The following RGL1 variants were observed in gnomAD, a reference collection of about 807,000 sequenced individuals.
RGL1 encodes the protein ral guanine nucleotide dissociation stimulator like 1.
A neutral mutation model predicts 95.2 loss-of-function variants in RGL1; 24 were observed. The observed-to-expected ratio is 0.25, with a 90% CI of 0.18 to 0.35. The LOEUF is 0.35. Ranked by LOEUF, RGL1 falls within the 10% of genes least tolerant of loss-of-function variation. RGL1 has a pLI of 1.00. For synonymous variants in RGL1, 329 were observed against 344.9 expected, an observed-to-expected ratio of 0.95 and a Z score of 0.51; for missense variants, 715 against 936.3, an observed-to-expected ratio of 0.76 and a Z score of 3.08.
intron 1 of RGL1, among the ~76,000 whole-genome samples, chr1:183,699,305 T>C (rs1027711931): frequency 6.6e-6 from 1 of 152,226 alleles, no homozygotes; most frequent in Non-Finnish European, 1.5e-5. Flanking sequence ...TCCTTGAAAC[T>C]ATATTGTAGT....
At chr1:183,834,523 T>G (rs1479952095) in intron 2 of RGL1, among the ~76,000 whole-genome samples, 1 of 152,162 alleles carries the variant, frequency 6.6e-6, no homozygotes, top group Non-Finnish European at 1.5e-5. Context: ...GCATATGCAC[T>G]AGTACTAAGC....
intron 1 of RGL1, among the ~76,000 whole-genome samples, chr1:183,658,553 T>A (rs1314114775): frequency 6.6e-6 from 1 of 152,072 alleles, no homozygotes; most frequent in East Asian, 1.9e-4. Flanking sequence ...CAAAGCAGCC[T>A]GGAAGCTGGA....
intron 1 of RGL1, among the ~76,000 whole-genome samples, chr1:183,686,893 C>G (rs746932279): frequency 1.3e-5 from 2 of 152,170 alleles, no homozygotes; most frequent in African/African-American, 4.8e-5. Context: ...ATGTCCTCAC[C>G]GCTACCTTTT....
chr1:183,898,732 T>C (rs1468959352), intron 10 of RGL1, among the ~76,000 whole-genome samples: 1 of 152,246 alleles, frequency 6.6e-6, no homozygotes, highest in Non-Finnish European at 1.5e-5. Flanking sequence ...AAAAATAGAT[T>C]ATTTTAGTAC....
chr1:183,728,777 A>G (rs1259699626), intron 1 of RGL1, among the ~76,000 whole-genome samples: 1 of 152,206 alleles, frequency 6.6e-6, no homozygotes, highest in Non-Finnish European at 1.5e-5. Flanking sequence ...TGTTATTGGC[A>G]TAGTTTTGAC....
intron 13 of RGL1, 117 bp downstream of exon 13, chr1:183,905,088 C>T: frequency 7.6e-7 from 1 of 1,321,654 alleles, no homozygotes; most frequent in Non-Finnish European, 1.0e-6. Flanking sequence ...CTGCTAGGTT[C>T]CAGGTCCTTG....
chr1:183,923,549 C>T (rs1258506891), intron 17 of RGL1, among the ~76,000 whole-genome samples: 4 of 152,076 alleles, frequency 2.6e-5, no homozygotes, highest in Admixed American at 1.3e-4. Flanking sequence ...CCAGGAGTCT[C>T]GAGGGGTAGC....
intron 2 of RGL1, among the ~76,000 whole-genome samples, chr1:183,782,153 C>T (rs1659933968): frequency 6.6e-6 from 1 of 152,192 alleles, no homozygotes; most frequent in South Asian, 2.1e-4. Context: ...GGATTGTCCA[C>T]CGATGGCACT....
intron 1 of RGL1, among the ~76,000 whole-genome samples, chr1:183,677,340 G>A (rs1057510986): frequency 2.6e-5 from 4 of 151,308 alleles, no homozygotes; most frequent in African/African-American, 7.3e-5. Flanking sequence ...ACCTGAGCCC[G>A]CTGCCCATTG....
chr1:183,714,069 C>T (rs745908741), intron 1 of RGL1, among the ~76,000 whole-genome samples: 13 of 152,102 alleles, frequency 8.5e-5, no homozygotes, highest in East Asian at 3.9e-4. Context: ...TTGTTTCCAC[C>T]GCAGTGATTT....
chr1:183,710,614 G>A (rs1177077120), intron 1 of RGL1, among the ~76,000 whole-genome samples: 1 of 152,172 alleles, frequency 6.6e-6, no homozygotes, highest in Non-Finnish European at 1.5e-5. Flanking sequence ...AGAGGCCTCA[G>A]GAAACTTACA....
chr1:183,720,251 A>G (rs1278065794), intron 1 of RGL1, among the ~76,000 whole-genome samples: 1 of 152,224 alleles, frequency 6.6e-6, no homozygotes. Context: ...ATGCCAAAAT[A>G]TTAGAGTAAA....
At chr1:183,727,486 T>TTA (rs1012909313) in intron 1 of RGL1, among the ~76,000 whole-genome samples, 1 of 152,158 alleles carries the variant, frequency 6.6e-6, no homozygotes. Flanking sequence ...CTGTTTTTTT[T>TTA]AAAAAACCTG....
At chr1:183,776,450 AT>A (rs540845486) in intron 2 of RGL1, among the ~76,000 whole-genome samples, 28 of 150,394 alleles carry the variant, frequency 1.9e-4, no homozygotes, top group Admixed American at 4.6e-4. Flanking sequence ...GCCCGGCCAG[AT>A]TTTTTTTTTA....
chr1:183,760,145 A>G (rs1319807312), intron 2 of RGL1, among the ~76,000 whole-genome samples: 1 of 152,208 alleles, frequency 6.6e-6, no homozygotes, highest in Non-Finnish European at 1.5e-5. Flanking sequence ...CAAGAGCATT[A>G]TATCTAAAAA....
chr1:183,709,509 T>C (rs939166703), intron 1 of RGL1: 1 of 152,310 alleles, frequency 6.6e-6, no homozygotes, highest in Non-Finnish European at 1.5e-5. Context: ...AGTTCCTAGA[T>C]TGGGGTTCTT....
At chr1:183,773,930 T>G (rs933968358) in intron 2 of RGL1, among the ~76,000 whole-genome samples, 1 of 138,372 alleles carries the variant, frequency 7.2e-6, no homozygotes, top group Non-Finnish European at 1.5e-5. Flanking sequence ...TAAGGAATAA[T>G]TGAGGGTGGT....
rs558033828 is a variant in RGL1 at position 183,910,962 on chromosome 1, C to T, written c.1563-1120C>T. On this transcript the variant is annotated intron_variant, in intron 14 of 17. Transcript: ENST00000360851. ...TTATTAGTTTTGTTCTGACAGTTCTCAAATTTGAAGTTCTCAGGAGTCTAA... is the reference window on the plus strand; with the variant it reads ...TTATTAGTTTTGTTCTGACAGTTCTTAAATTTGAAGTTCTCAGGAGTCTAA... Among the ~76,000 whole-genome samples, 6 of 152,306 alleles carry T rather than the reference C, an allele frequency of 3.9e-5. No individual in the cohort carries two copies. The South Asian group carries it at 1.2e-3, about 32-fold the overall frequency.
intron 4 of RGL1, among the ~76,000 whole-genome samples, chr1:183,876,339 G>A (rs1320702752): frequency 1.3e-5 from 2 of 152,212 alleles, no homozygotes; most frequent in Admixed American, 1.3e-4. Context: ...GATTGCAGTC[G>A]GTTGGAAAAG....
Sources: gnomAD v4.1 joint callset for allele counts (sites outside exome capture counted in the v4.1 genomes callset) on GRCh38, gnomAD v4.1.1 for gene constraint, MANE v1.5 for transcripts, NCBI Gene and HGNC (gene_info 2026-07-23, HGNC 2026-07-21) for gene names.